Variants in LRRIQ1 observed in about 807,000 individuals in gnomAD.
LRRIQ1 encodes leucine rich repeats and IQ motif containing 1, also known as leucine-rich repeat- and IQ domain-containing protein 1.
Under a neutral mutation model 211.9 loss-of-function variants are expected in LRRIQ1, and 210 were observed. The observed-to-expected ratio is 0.99, with a 90% CI of 0.89 to 1.11. The LOEUF (loss-of-function observed/expected upper bound fraction) is 1.11, where lower values mean the gene tolerates loss of function less well. Ranked by LOEUF, LRRIQ1 falls within the 50% of genes most tolerant of loss-of-function variation. The probability of loss-of-function intolerance (pLI) is 0.00; values close to 1 mark genes in which losing one functional copy is unlikely to be tolerated. For synonymous variants in LRRIQ1, 699 were observed against 650.1 expected (o/e 1.08, Z -1.14); for missense variants, 2,136 against 1,939.5 (o/e 1.10, Z -1.90).
chr12:85,095,975 A>C (rs77056678), intron 11 of LRRIQ1, among the ~76,000 whole-genome samples: 1,995 of 152,018 alleles, frequency 0.013, 51 homozygotes, highest in African/African-American at 0.045. Flanking sequence ...CTCTCTGAGG[A>C]TATTTTGTAT....
intron 1 of LRRIQ1, among the ~76,000 whole-genome samples, chr12:85,257,441 A>G (rs773667719): frequency 6.6e-6 from 1 of 150,994 alleles, no homozygotes; most frequent in Non-Finnish European, 1.5e-5. Context: ...CAGGACTTAT[A>G]TGACCTGATT....
chr12:85,157,311 G>A (rs1461787830), intron 23 of LRRIQ1, among the ~76,000 whole-genome samples: 1 of 151,694 alleles, frequency 6.6e-6, no homozygotes, highest in Non-Finnish European at 1.5e-5. Flanking sequence ...GGAAGAGGAG[G>A]AATTGATTGA....
rs118114151 is a variant in LRRIQ1 at position 85,155,306 on chromosome 12, T to G, written c.4720+1212T>G. On this transcript the variant is annotated intron_variant, in intron 23 of 26. Transcript: ENST00000393217. ...TAAACACCTTGCTTTTTAATTTGTT[T>G]GTACCTCCTGCACTCTCATTTTGTA... Among the ~76,000 whole-genome samples the G allele has an allele frequency of 7.6e-3, 1,156 of 151,712 alleles. 7 individuals are homozygous for G. Among genetic ancestry groups the G allele is most frequent in the South Asian group, 0.013 (63 of 4,826 alleles).
At chr12:85,267,002 G>A (rs936099453), downstream of LRRIQ1, among the ~76,000 whole-genome samples, 1 of 152,110 alleles carries the variant, frequency 6.6e-6, no homozygotes, top group South Asian at 2.1e-4. Context: ...GCAGAGGTGA[G>A]AAAGCACTTC....
chr12:85,129,430 G>A (rs918554052), intron 18 of LRRIQ1, among the ~76,000 whole-genome samples: 2 of 152,130 alleles, frequency 1.3e-5, no homozygotes, highest in South Asian at 2.1e-4. Flanking sequence ...AAAAATCTTT[G>A]TAGCTTACAT....
intron 23 of LRRIQ1, among the ~76,000 whole-genome samples, chr12:85,159,048 A>G (rs1260054461): frequency 6.6e-6 from 1 of 152,030 alleles, no homozygotes; most frequent in Non-Finnish European, 1.5e-5. Context: ...TTCAAGATTA[A>G]ATCAATTTAT....
intron 8 of LRRIQ1, among the ~76,000 whole-genome samples, chr12:85,060,311 C>T (rs909727488): frequency 3.3e-5 from 5 of 151,878 alleles, no homozygotes; most frequent in Non-Finnish European, 7.4e-5. Flanking sequence ...AGTAATATCT[C>T]AAAAGAGAAG....
intron 24 of LRRIQ1, among the ~76,000 whole-genome samples, chr12:85,192,539 A>C (rs1411499650): frequency 1.7e-5 from 2 of 119,270 alleles, no homozygotes; most frequent in Non-Finnish European, 3.2e-5. Flanking sequence ...AATTATATAT[A>C]AATATATATA....
chr12:85,171,972 A>G (rs993115704), intron 24 of LRRIQ1, among the ~76,000 whole-genome samples: 2 of 152,212 alleles, frequency 1.3e-5, no homozygotes, highest in Non-Finnish European at 2.9e-5. Context: ...GTAATAATGT[A>G]GTGGTAGCTT....
intron 10 of LRRIQ1, among the ~76,000 whole-genome samples, chr12:85,071,059 G>A (rs1035156718): frequency 6.6e-6 from 1 of 151,752 alleles, no homozygotes; most frequent in Non-Finnish European, 1.5e-5. Context: ...CCATTTGATT[G>A]TGTTTAACTT....
downstream of LRRIQ1, among the ~76,000 whole-genome samples, chr12:85,268,977 G>A (rs1026975766): frequency 3.3e-5 from 5 of 151,944 alleles, no homozygotes; most frequent in Non-Finnish European, 4.4e-5. Flanking sequence ...ATAATGGGCA[G>A]GGAGCAGGTG....
chr12:85,073,339 T>C (rs1170922832), intron 11 of LRRIQ1, among the ~76,000 whole-genome samples: 1 of 152,066 alleles, frequency 6.6e-6, no homozygotes, highest in African/African-American at 2.4e-5. Flanking sequence ...CTGCTTTGGA[T>C]TACTATGACT....
intron 25 of LRRIQ1, 113 bp from the exon 26 acceptor site, chr12:85,232,583 G>A: frequency 1.3e-6 from 1 of 770,846 alleles, no homozygotes; most frequent in Non-Finnish European, 2.2e-6. Flanking sequence ...GAAAACTGTT[G>A]TTTCCATTTT....
rs1379411774 is a variant in LRRIQ1 at position 85,072,901 on chromosome 12, A to T, written c.2696-6A>T. 6.2e-7 allele frequency: 1 copy of T among 1,601,524 alleles called. No homozygotes were observed. The highest frequency in any genetic ancestry group is 1.3e-5 in the African/African-American group (1 of 74,338). On this transcript the variant is annotated splice_region_variant and splice_polypyrimidine_tract_variant and intron_variant, in intron 10 of 26. Coordinates refer to ENST00000393217, the MANE Select transcript of LRRIQ1 (RefSeq NM_001079910.2). ...TATTTGGTCTTAATTCTGTCATCCT[A>T]CTCAGGATATTCCTTCTTTCTGGAA... is the stretch of plus-strand genomic sequence containing the variant.
intron 24 of LRRIQ1, among the ~76,000 whole-genome samples, chr12:85,197,026 C>T (rs1455464146): frequency 6.6e-6 from 1 of 151,122 alleles, no homozygotes; most frequent in Non-Finnish European, 1.5e-5. Context: ...AGGACATGAA[C>T]AGACACTTCT....
At chr12:85,149,278 T>C (rs1478294683) in intron 19 of LRRIQ1, among the ~76,000 whole-genome samples, 1 of 152,030 alleles carries the variant, frequency 6.6e-6, no homozygotes, top group African/African-American at 2.4e-5. Flanking sequence ...GTTTTTATGA[T>C]TCGAGGTTTC....
chr12:85,173,124 A>G (rs1203252140), intron 24 of LRRIQ1, among the ~76,000 whole-genome samples: 1 of 152,144 alleles, frequency 6.6e-6, no homozygotes, highest in African/African-American at 2.4e-5. Context: ...AATAAATAAA[A>G]TAAAATAAAA....
chr12:85,219,145 G>A (rs1039176906), intron 24 of LRRIQ1, among the ~76,000 whole-genome samples: 4 of 152,104 alleles, frequency 2.6e-5, no homozygotes, highest in Admixed American at 2.6e-4. Context: ...GGATTTTCCT[G>A]AGTTATGTGA....
chr12:85,166,723 A>G (rs1299588967), intron 24 of LRRIQ1, among the ~76,000 whole-genome samples: 2 of 152,230 alleles, frequency 1.3e-5, no homozygotes, highest in African/African-American at 2.4e-5. Context: ...TATGCAGGCA[A>G]CAAAATACCT....
Sources: gnomAD v4.1 joint callset for allele counts (sites outside exome capture counted in the v4.1 genomes callset) on GRCh38, gnomAD v4.1.1 for gene constraint, MANE v1.5 for transcripts, NCBI Gene and HGNC (gene_info 2026-07-23, HGNC 2026-07-21) for gene names.